TRIM2: variants seen among roughly 807,000 people sequenced by gnomAD.
The protein encoded by TRIM2 is tripartite motif-containing protein 2.
TRIM2 carries 20 observed loss-of-function variants against 75.2 expected under a neutral mutation model. That is an observed-to-expected ratio of 0.27 (90% confidence interval 0.19 to 0.39). The LOEUF (loss-of-function observed/expected upper bound fraction) is 0.39, where lower values mean the gene tolerates loss of function less well. Ranked by LOEUF, TRIM2 falls within the 10% of genes least tolerant of loss-of-function variation. The pLI, the probability that TRIM2 is intolerant of heterozygous loss-of-function variation, is 1.00. For missense variants in TRIM2, 660 were observed against 990.8 expected, an observed-to-expected ratio of 0.67 and a Z score of 4.48; for synonymous variants, 373 against 388.3, an observed-to-expected ratio of 0.96 and a Z score of 0.46.
intron 6 of TRIM2, among the ~76,000 whole-genome samples, chr4:153,303,136 C>A (rs1409172537): frequency 6.6e-6 from 1 of 152,080 alleles, no homozygotes; most frequent in Non-Finnish European, 1.5e-5. Context: ...ATACCTTTGA[C>A]TACAAATCAG....
chr4:153,287,862 G>A lies in TRIM2; in HGVS notation c.454-5120G>A, dbSNP rs369913662. ...TTTATCTGTGTAGTTACCTTTACCT[G>A]CTTTCCTTGTTTTTTTCATGTGGAC... On this transcript the variant is annotated intron_variant, in intron 3 of 11. Coordinates refer to ENST00000338700, the MANE Select transcript of TRIM2 (RefSeq NM_015271.5). 3.9e-5 allele frequency among the ~76,000 whole-genome samples: 6 copies of A among 152,100 alleles called. No individual in the cohort carries two copies. In the South Asian group the frequency reaches 6.2e-4, roughly 16 times the overall value.
At chr4:153,163,493 A>ATT (rs1390228832) in intron 1 of TRIM2, among the ~76,000 whole-genome samples, 1 of 80,882 alleles carries the variant, frequency 1.2e-5, no homozygotes, top group Admixed American at 1.3e-4. Context: ...CTAGATTTAC[A>ATT]TCTTTTTTTT....
chr4:153,226,752 A>G (rs1579798801), intron 1 of TRIM2, among the ~76,000 whole-genome samples: 1 of 152,238 alleles, frequency 6.6e-6, no homozygotes, highest in East Asian at 1.9e-4. Context: ...AAGCAAACAA[A>G]TTGGAAAGCC....
chr4:153,337,044 T>TA lies in TRIM2; in HGVS notation c.*2084dup, dbSNP rs1395261984. The TA allele has an allele frequency of 4.1e-6, 4 of 984,104 alleles. No individual in the cohort carries two copies. The highest frequency in any genetic ancestry group is 1.1e-4 in the East Asian group (1 of 8,814). The allele number at this position is 984,104 out of a possible 1,614,324, so 61.0% of individuals were successfully genotyped here. A position where few individuals can be genotyped will look rare whatever the true frequency, so the allele number is the denominator to read the frequency against. On this transcript the variant is annotated 3_prime_UTR_variant, in exon 12 of 12. Coordinates refer to ENST00000338700, the MANE Select transcript of TRIM2 (RefSeq NM_015271.5). ...GAAATACAGTGATGGACAAAACAGG[T>TA]AAAAAATCGCTGCCCCCTCAGAGCT...
At chr4:153,307,724 G>T in intron 6 of TRIM2, 1 of 599,652 alleles carries the variant, frequency 1.7e-6, no homozygotes, top group South Asian at 1.6e-5. Flanking sequence ...TGGAAGCATG[G>T]GGAGCACCAT....
intron 3 of TRIM2, among the ~76,000 whole-genome samples, chr4:153,281,265 A>T (rs1206048731): frequency 2.0e-5 from 3 of 152,230 alleles, no homozygotes; most frequent in Non-Finnish European, 4.4e-5. Context: ...CGTCAATTTG[A>T]CAAAATATAA....
At chr4:153,168,901 AC>A (rs1730568146) in intron 1 of TRIM2, among the ~76,000 whole-genome samples, 1 of 151,950 alleles carries the variant, frequency 6.6e-6, no homozygotes, top group Non-Finnish European at 1.5e-5. Context: ...ATATAGCAAG[AC>A]CCCGTCTCTA....
At chr4:153,291,043 AAAAAAAAAAGTGTCTTTATATGAC>A (rs956391493) in intron 3 of TRIM2, among the ~76,000 whole-genome samples, 6 of 144,970 alleles carry the variant, frequency 4.1e-5, no homozygotes, top group African/African-American at 1.5e-4. Flanking sequence ...CTTATATGAC[AAAAAAAAAAGTGTCTTTATATGAC>A]AAAAAAAAAG....
At chr4:153,202,425 G>A (rs1382275518), upstream of TRIM2, among the ~76,000 whole-genome samples, 3 of 152,152 alleles carry the variant, frequency 2.0e-5, no homozygotes, top group Admixed American at 2.0e-4. Flanking sequence ...GGCCAGCCGC[G>A]TTGGCTCGTG....
intron 1 of TRIM2, among the ~76,000 whole-genome samples, chr4:153,245,523 T>C (rs572697671): frequency 6.4e-4 from 97 of 152,382 alleles, no homozygotes; most frequent in African/African-American, 1.9e-3. Flanking sequence ...GAGCTAATGA[T>C]GGTTTTTATG....
rs114601800 is a variant in TRIM2, at chr4:153,297,071, G to A, written c.1510+1035G>A. ...TGAGGCAGGAGAGGGATAGATAACA[G>A]GCAGCACATCCAAACTTCCAACCAT... On this transcript the variant is annotated intron_variant, in intron 6 of 11. Transcript: ENST00000338700. Among the ~76,000 whole-genome samples the A allele has an allele frequency of 7.0e-3, 1,066 of 152,312 alleles. 14 individuals are homozygous for A. Among genetic ancestry groups the A allele is most frequent in the African/African-American group, 0.024 (1,006 of 41,562 alleles).
intron 1 of TRIM2, among the ~76,000 whole-genome samples, chr4:153,239,383 TAGA>T (rs1745906965): frequency 2.6e-5 from 4 of 151,540 alleles, no homozygotes; most frequent in Non-Finnish European, 5.9e-5. Context: ...CTGGCTTTGA[TAGA>T]ATTGTTTTGG....
At chr4:153,254,950 A>G (rs762995323) in intron 1 of TRIM2, among the ~76,000 whole-genome samples, 5 of 152,128 alleles carry the variant, frequency 3.3e-5, no homozygotes, top group Non-Finnish European at 5.9e-5. Flanking sequence ...ATACTTAGGT[A>G]TTACTCGCTG....
intron 6 of TRIM2, chr4:153,308,438 A>C (rs1765505390): frequency 1.2e-6 from 1 of 807,602 alleles, no homozygotes; most frequent in Non-Finnish European, 2.2e-6. Flanking sequence ...CAGAAGCATC[A>C]TACTGAGCAG....
chr4:153,336,942 A>G lies in TRIM2; in HGVS notation c.*1976A>G, dbSNP rs1772520753. On this transcript the variant is annotated 3_prime_UTR_variant, in exon 12 of 12. Transcript: ENST00000338700. Reference sequence around the variant, plus strand: ...AATGAAGACACTGTTTCCTAACATCAGTGAGATACATCTTTGAATTTAAAC... The same window carrying G: ...AATGAAGACACTGTTTCCTAACATCGGTGAGATACATCTTTGAATTTAAAC... The G allele has an allele frequency of 1.0e-6, 1 of 984,378 alleles. No homozygotes were observed. 61.0% of individuals were successfully genotyped at this position (984,378 alleles called of 1,614,324 possible). A position where few individuals can be genotyped will look rare whatever the true frequency, so the allele number is the denominator to read the frequency against.
In TRIM2 at chr4:153,295,656, C is replaced by A. The variant is rs1762619696; in HGVS notation, c.1130C>A (p.Thr377Asn). 6.2e-7 allele frequency: 1 copy of A among 1,613,932 alleles called. No homozygotes were observed. Residue 377 changes from threonine (T) to asparagine (N), a missense_variant, in exon 6 of 12, where the codon ACC (threonine) becomes AAC (asparagine). Transcript: ENST00000338700. The surrounding 1 kb of genome is among the most constrained non-coding windows in gnomAD (Gnocchi z 7.2). ...IGQPMSVTIT[T>N]KDKDGELCKT... ...CAGCCCATGTCCGTCACCATCACCA[C>A]CAAGGACAAAGACGGTGAGCTGTGC...
intron 8 of TRIM2, among the ~76,000 whole-genome samples, chr4:153,322,142 G>T (rs979692822): frequency 2.5e-4 from 38 of 151,672 alleles, no homozygotes; most frequent in African/African-American, 9.0e-4. Flanking sequence ...GGGCACGAGG[G>T]CTCATGCCTG....
At chr4:153,278,534 C>G (rs1758519591) in intron 3 of TRIM2, among the ~76,000 whole-genome samples, 3 of 152,232 alleles carry the variant, frequency 2.0e-5, no homozygotes, top group Admixed American at 2.0e-4. Context: ...CATGGTGGCT[C>G]ATGCCTGTAA....
At chr4:153,260,403 T>C (rs1366391186) in intron 1 of TRIM2, among the ~76,000 whole-genome samples, 1 of 152,034 alleles carries the variant, frequency 6.6e-6, no homozygotes, top group Non-Finnish European at 1.5e-5. Flanking sequence ...ATCTTAACAA[T>C]CGGCTGCCAA....
Sources: allele counts gnomAD v4.1 joint callset (sites outside exome capture counted in the v4.1 genomes callset), GRCh38; gene constraint gnomAD v4.1.1; non-coding constraint Gnocchi (gnomAD v3.1); transcripts MANE v1.5; gene names NCBI Gene and HGNC (gene_info 2026-07-23, HGNC 2026-07-21).